TMEM218: variants seen among roughly 807,000 people sequenced by gnomAD.
TMEM218 encodes transmembrane protein 218.
A neutral mutation model predicts 10.0 loss-of-function variants in TMEM218; 8 were observed. The observed-to-expected ratio is 0.80, with a 90% CI of 0.47 to 1.44. The LOEUF (loss-of-function observed/expected upper bound fraction) is 1.44. TMEM218 is among the 40% of genes most tolerant of loss of function. TMEM218 has a pLI of 0.00. For synonymous variants in TMEM218, 66 were observed against 63.5 expected (o/e 1.04, Z -0.18); for missense variants, 110 against 140.1 (o/e 0.79, Z 1.08).
chr11:125,107,621 G>C (rs1196040371), intron 1 of TMEM218, among the ~76,000 whole-genome samples: 1 of 151,902 alleles, frequency 6.6e-6, no homozygotes, highest in East Asian at 1.9e-4. Context: ...AACAGAAAAG[G>C]GTTTCTAGGA....
At chr11:125,107,871 A>C (rs1952636497) in intron 1 of TMEM218, among the ~76,000 whole-genome samples, 1 of 146,550 alleles carries the variant, frequency 6.8e-6, no homozygotes, top group Non-Finnish European at 1.5e-5. Flanking sequence ...AAAATTATAA[A>C]ACTTTATCAA....
rs758805438 is a variant in TMEM218 at position 125,101,239 on chromosome 11, G to T, written c.175C>A (p.Arg59=). 1 of 1,613,626 alleles carries T rather than the reference G, an allele frequency of 6.2e-7. No individual in the cohort carries two copies. Among genetic ancestry groups the T allele is most frequent in the South Asian group, 1.1e-5 (1 of 91,076 alleles). ...IITSVLLLFP[R]AGEFPAPEVE... ...TCTGGGGCTGGGAATTCACCAGCTC[G>T]CGGGAAAAGCAACAGAACTGATGTG... Residue 59 remains arginine (R), a synonymous_variant, in exon 4 of 5, where the codon CGA becomes AGA. Transcript: ENST00000682305.
At chr11:125,110,911 G>T (rs1297893460) in intron 1 of TMEM218, among the ~76,000 whole-genome samples, 1 of 139,524 alleles carries the variant, frequency 7.2e-6, no homozygotes, top group Non-Finnish European at 1.5e-5. Flanking sequence ...ACTATCTTTT[G>T]AATTTTAAAA....
At chr11:125,101,341 A>G (rs960305658) in intron 3 of TMEM218, 38 bp from the exon 4 acceptor site, 13 of 1,589,882 alleles carry the variant, frequency 8.2e-6, no homozygotes, top group East Asian at 2.3e-5. Flanking sequence ...AGCACTGTCT[A>G]TAATTTCTTC....
chr11:125,100,747 T>C (rs1351691624), intron 4 of TMEM218, among the ~76,000 whole-genome samples: 1 of 152,176 alleles, frequency 6.6e-6, no homozygotes. Context: ...CACATGCAGT[T>C]GGAGAAGCAT....
rs117241913 is a variant in TMEM218 at position 125,098,379 on chromosome 11, G to A, written c.214-639C>T. 6.1e-3 allele frequency among the ~76,000 whole-genome samples: 930 copies of A among 152,306 alleles called. 5 individuals are homozygous for A. The highest frequency in any genetic ancestry group is 7.7e-3 in the Non-Finnish European group (521 of 68,038). On this transcript the variant is annotated intron_variant, in intron 4 of 4. Coordinates refer to ENST00000682305, the MANE Select transcript of TMEM218 (RefSeq NM_001258244.2). Reference sequence around the variant, plus strand: ...GCCTTACACTTGAGGCCCCAAAGATGTTGGTCTTTGCTGACAAAACCCTAT... The same window carrying A: ...GCCTTACACTTGAGGCCCCAAAGATATTGGTCTTTGCTGACAAAACCCTAT...
At chr11:125,097,881 C>T (rs1949912206) in intron 4 of TMEM218, 141 bp from the exon 5 acceptor site, 2 of 702,702 alleles carry the variant, frequency 2.8e-6, no homozygotes, top group East Asian at 5.5e-5. Flanking sequence ...CTCCTCTGTA[C>T]ATGAGAAAAA....
chr11:125,099,556 C>T (rs1409313989), intron 4 of TMEM218, among the ~76,000 whole-genome samples: 2 of 152,220 alleles, frequency 1.3e-5, no homozygotes, highest in South Asian at 2.1e-4. Context: ...TGTGTTTGCT[C>T]TGTGCCCTTC....
At chr11:125,101,583 C>T in intron 3 of TMEM218, 1 of 1,121,648 alleles carries the variant, frequency 8.9e-7, no homozygotes, top group Non-Finnish European at 1.2e-6. Flanking sequence ...TCAAGAAAAA[C>T]CAAAGCATCC....
At chr11:125,100,080 G>A (rs1019651107) in intron 4 of TMEM218, among the ~76,000 whole-genome samples, 8 of 152,174 alleles carry the variant, frequency 5.3e-5, no homozygotes, top group African/African-American at 1.9e-4. Context: ...TATTTCCCTT[G>A]GAGTTTAATT....
chr11:125,100,503 A>G (rs968819029), intron 4 of TMEM218, among the ~76,000 whole-genome samples: 1 of 152,220 alleles, frequency 6.6e-6, no homozygotes, highest in Admixed American at 6.5e-5. Context: ...AAACATCAAA[A>G]TGAAGGTTGA....
Position 125,102,284 on chromosome 11 carries a change from C to A in TMEM218, c.-43G>T. 1 of 1,596,314 alleles carries A rather than the reference C, an allele frequency of 6.3e-7. No individual in the cohort carries two copies. The highest frequency in any genetic ancestry group is 8.5e-7 in the Non-Finnish European group (1 of 1,172,904). On this transcript the variant is annotated 5_prime_UTR_variant, in exon 3 of 5. Coordinates refer to ENST00000682305, the MANE Select transcript of TMEM218 (RefSeq NM_001258244.2). The stretch of plus-strand genomic sequence containing the variant: ...GCGGCCCCCCGCCCTGCGCGCCGCA[C>A]GATCGAGTGTCCTCTGTGCTCCAGT...
At position 125,101,811 on chromosome 11, in the gene TMEM218, C is replaced by T. The variant is rs577517109; in HGVS notation, c.110+321G>A. On this transcript the variant is annotated intron_variant, in intron 3 of 4. Transcript: ENST00000682305. ...TTTCCTGGGTCCAGGGCTAGAGCCT[C>T]GGGTACTGGACCAAGCCTCTGCCAT... is the stretch of plus-strand genomic sequence containing the variant. 3.3e-4 allele frequency: 157 copies of T among 477,748 alleles called. 1 individual carries two copies. Among genetic ancestry groups the T allele is most frequent in the African/African-American group, 2.9e-3 (144 of 50,008 alleles). 29.6% of individuals were successfully genotyped at this position (477,748 alleles called of 1,614,324 possible). A position where few individuals can be genotyped will look rare whatever the true frequency, so the allele number is the denominator to read the frequency against.
Position 125,102,290 on chromosome 11 carries a change from A to G in TMEM218, c.-49T>C. Reference sequence around the variant, plus strand: ...CCCCGCCCTGCGCGCCGCACGATCGAGTGTCCTCTGTGCTCCAGTGCAACA... The same window carrying G: ...CCCCGCCCTGCGCGCCGCACGATCGGGTGTCCTCTGTGCTCCAGTGCAACA... On this transcript the variant is annotated 5_prime_UTR_variant, in exon 3 of 5. Coordinates refer to ENST00000682305, the MANE Select transcript of TMEM218 (RefSeq NM_001258244.2). The G allele has an allele frequency of 1.9e-6, 3 of 1,593,162 alleles. No individual in the cohort carries two copies. The highest frequency in any genetic ancestry group is 4.5e-5 in the East Asian group (2 of 44,230).
chr11:125,107,856 T>C (rs1952633469), intron 1 of TMEM218, among the ~76,000 whole-genome samples: 1 of 145,020 alleles, frequency 6.9e-6, no homozygotes, highest in African/African-American at 2.6e-5. Context: ...AAGATTTGTA[T>C]AGCTAAAATT....
chr11:125,094,432 T>C lies in TMEM218; in HGVS notation c.*3174A>G, dbSNP rs1949371937. On this transcript the variant is annotated 3_prime_UTR_variant, in exon 5 of 5. Coordinates refer to ENST00000682305, the MANE Select transcript of TMEM218 (RefSeq NM_001258244.2). ...AATGAAACTTTTACCTTTTTGGATA[T>C]GTGTTAAGAAAATGTCAGGTACAAA... Among the ~76,000 whole-genome samples, 1 of 152,252 alleles carries C rather than the reference T, an allele frequency of 6.6e-6. No homozygotes were observed. The highest frequency in any genetic ancestry group is 1.5e-5 in the Non-Finnish European group (1 of 68,050).
At chr11:125,098,279 A>G (rs180783979) in intron 4 of TMEM218, among the ~76,000 whole-genome samples, 16 of 152,334 alleles carry the variant, frequency 1.1e-4, no homozygotes, top group Admixed American at 5.2e-4. Context: ...GGGCAGGGAA[A>G]ATGACCATTT....
At chr11:125,110,840 T>G (rs1447051585) in intron 1 of TMEM218, 1 of 91,290 alleles carries the variant, frequency 1.1e-5, no homozygotes, top group Non-Finnish European at 2.3e-5. Context: ...TTCCAAACCT[T>G]CAAAAATAAC....
At chr11:125,100,784 T>A (rs1950587481) in intron 4 of TMEM218, among the ~76,000 whole-genome samples, 3 of 152,112 alleles carry the variant, frequency 2.0e-5, no homozygotes, top group Non-Finnish European at 4.4e-5. Context: ...GGGCACCACA[T>A]CAATTTCAGC....
Sources: allele counts gnomAD v4.1 joint callset (sites outside exome capture counted in the v4.1 genomes callset), GRCh38; gene constraint gnomAD v4.1.1; transcripts MANE v1.5; gene names NCBI Gene and HGNC (gene_info 2026-07-23, HGNC 2026-07-21).